The following RAB6A variants were observed in gnomAD, a reference collection of about 807,000 sequenced individuals.
RAB6A encodes the protein ras-related protein Rab-6A.
Under a neutral mutation model 32.3 loss-of-function variants are expected in RAB6A, and 8 were observed. That is an observed-to-expected ratio of 0.25 (90% confidence interval 0.15 to 0.45). The LOEUF (loss-of-function observed/expected upper bound fraction) is 0.45, where lower values mean the gene tolerates loss of function less well. Among genes scored for constraint, RAB6A ranks in the 20% least tolerant of loss-of-function variants. RAB6A has a pLI of 1.00. For synonymous variants in RAB6A, 73 were observed against 82.1 expected, an observed-to-expected ratio of 0.89 and a Z score of 0.60; for missense variants, 104 against 249.4, an observed-to-expected ratio of 0.42 and a Z score of 3.93.
chr11:73,754,370 T>C (rs1946713847), intron 1 of RAB6A, among the ~76,000 whole-genome samples: 1 of 152,190 alleles, frequency 6.6e-6, no homozygotes, highest in Non-Finnish European at 1.5e-5. Flanking sequence ...GTCCACAAAC[T>C]CCTGGATGTC....
chr11:73,703,746 C>A (rs1280397172), intron 6 of RAB6A, among the ~76,000 whole-genome samples: 8 of 135,342 alleles, frequency 5.9e-5, no homozygotes, highest in Admixed American at 5.2e-4. Context: ...CTAAAAAAAA[C>A]CCAAAACAAA....
chr11:73,760,524 C>T (rs1169600719), intron 1 of RAB6A, 42 bp downstream of exon 1: 3 of 1,563,668 alleles, frequency 1.9e-6, no homozygotes, highest in Non-Finnish European at 2.6e-6. Flanking sequence ...GGTGCGGGGA[C>T]GCTGCGGCCA....
At chr11:73,751,937 T>C (rs1206489213) in intron 1 of RAB6A, among the ~76,000 whole-genome samples, 2 of 151,836 alleles carry the variant, frequency 1.3e-5, no homozygotes, top group Non-Finnish European at 2.9e-5. Context: ...CACAAGAGCA[T>C]AAAAAACAAA....
intron 6 of RAB6A, among the ~76,000 whole-genome samples, chr11:73,689,607 T>C (rs1280270148): frequency 6.6e-6 from 1 of 152,186 alleles, no homozygotes; most frequent in African/African-American, 2.4e-5. Flanking sequence ...TAGATAACTC[T>C]TTCAACCAAT....
At chr11:73,708,872 A>T (rs944023142) in intron 5 of RAB6A, among the ~76,000 whole-genome samples, 1 of 152,158 alleles carries the variant, frequency 6.6e-6, no homozygotes, top group Non-Finnish European at 1.5e-5. Context: ...ACTTACATCT[A>T]TGTATTAGAT....
intron 2 of RAB6A, among the ~76,000 whole-genome samples, chr11:73,728,020 T>A (rs1352649404): frequency 1.3e-5 from 2 of 152,194 alleles, no homozygotes; most frequent in Non-Finnish European, 2.9e-5. Context: ...GCAGTTTAAA[T>A]CTATGCTCCC....
chr11:73,757,346 G>A (rs11600118), intron 1 of RAB6A, among the ~76,000 whole-genome samples: 477 of 149,302 alleles, frequency 3.2e-3, no homozygotes, highest in Non-Finnish European at 5.5e-3. Flanking sequence ...CGGGCCATGG[G>A]GTGGGGGGGA....
intron 2 of RAB6A, 76 bp from the exon 3 acceptor site, chr11:73,720,975 A>G: frequency 9.9e-7 from 1 of 1,013,386 alleles, no homozygotes. Context: ...AATGGGATTC[A>G]TGATTGTGGA....
intron 3 of RAB6A, among the ~76,000 whole-genome samples, chr11:73,720,283 C>T (rs1021335978): frequency 5.4e-5 from 8 of 149,368 alleles, no homozygotes; most frequent in African/African-American, 1.7e-4. Flanking sequence ...TGGATTCAAG[C>T]GATTCTCCTG....
chr11:73,691,376 T>C (rs1391064457), intron 6 of RAB6A, among the ~76,000 whole-genome samples: 1 of 152,162 alleles, frequency 6.6e-6, no homozygotes, highest in African/African-American at 2.4e-5. Context: ...GGTCTTGCTG[T>C]ATTGCCATGG....
At chr11:73,707,134 A>G (rs542103619) in intron 6 of RAB6A, among the ~76,000 whole-genome samples, 1 of 151,792 alleles carries the variant, frequency 6.6e-6, no homozygotes, top group African/African-American at 2.4e-5. Context: ...AGAAAAAAAA[A>G]AAAAAAAAGA....
chr11:73,725,613 A>G (rs1946204653), intron 2 of RAB6A, among the ~76,000 whole-genome samples: 2 of 152,156 alleles, frequency 1.3e-5, no homozygotes, highest in Admixed American at 6.5e-5. Context: ...AAACCATCAG[A>G]TCTCGTAAGA....
intron 1 of RAB6A, among the ~76,000 whole-genome samples, chr11:73,754,128 C>T (rs943513374): frequency 1.3e-5 from 2 of 152,312 alleles, no homozygotes; most frequent in Admixed American, 1.3e-4. Context: ...TGCCAAAGGT[C>T]AGTAGCCACT....
At chr11:73,745,581 T>C (rs941502793) in intron 1 of RAB6A, among the ~76,000 whole-genome samples, 1 of 151,906 alleles carries the variant, frequency 6.6e-6, no homozygotes, top group Non-Finnish European at 1.5e-5. Context: ...CTTGTCTCTA[T>C]TAAAAATTCA....
intron 1 of RAB6A, among the ~76,000 whole-genome samples, chr11:73,736,629 T>C (rs1946397560): frequency 6.6e-6 from 1 of 150,718 alleles, no homozygotes; most frequent in Non-Finnish European, 1.5e-5. Context: ...CTGTCTGTAC[T>C]AAAAATGCAA....
chr11:73,731,686 ATATATATAT>A (rs1946305966), intron 1 of RAB6A, among the ~76,000 whole-genome samples: 740 of 27,558 alleles, frequency 0.027, 63 homozygotes, highest in African/African-American at 0.057. Flanking sequence ...GATAGATATT[ATATATATAT>A]ATATATATAT....
At chr11:73,688,585 C>A (rs1945496801) in intron 6 of RAB6A, among the ~76,000 whole-genome samples, 1 of 152,084 alleles carries the variant, frequency 6.6e-6, no homozygotes, top group South Asian at 2.1e-4. Flanking sequence ...GAGATCTTGT[C>A]CCTGGGTCTT....
At chr11:73,686,724 C>A (rs557189087) in intron 6 of RAB6A, among the ~76,000 whole-genome samples, 3 of 152,222 alleles carry the variant, frequency 2.0e-5, no homozygotes, top group African/African-American at 4.8e-5. Flanking sequence ...AAAATAGGTT[C>A]TCTTTAGTGA....
intron 1 of RAB6A, among the ~76,000 whole-genome samples, chr11:73,749,232 A>C (rs1026370866): frequency 6.6e-6 from 1 of 152,192 alleles, no homozygotes; most frequent in Non-Finnish European, 1.5e-5. Context: ...GGAGTTGGAG[A>C]CCATTACTAA....
Sources: gnomAD v4.1 joint callset for allele counts (sites outside exome capture counted in the v4.1 genomes callset) on GRCh38, gnomAD v4.1.1 for gene constraint, MANE v1.5 for transcripts, NCBI Gene and HGNC (gene_info 2026-07-23, HGNC 2026-07-21) for gene names.